Variants in AHR observed in about 807,000 individuals in gnomAD.
The protein encoded by AHR is AH-receptor.
In AHR, 40 loss-of-function variants were observed where a neutral mutation model predicts 86.8. The ratio of observed to expected loss-of-function variants is 0.46; its 90% CI spans 0.36 to 0.60. The LOEUF is 0.60. AHR is among the 20% of genes least tolerant of loss of function. The pLI, the probability that AHR is intolerant of heterozygous loss-of-function variation, is 0.00. For missense variants in AHR, 1,001 were observed against 1,011.6 expected (o/e 0.99, Z 0.14); for synonymous variants, 398 against 354.9 (o/e 1.12, Z -1.37).
chr7:17,330,796 A>T lies in AHR; in HGVS notation c.615A>T (p.Pro205=), dbSNP rs1782280461. The T allele has an allele frequency of 4.3e-6, 7 of 1,612,312 alleles. No homozygotes were observed. In the South Asian group the frequency reaches 6.6e-5, roughly 15 times the overall value. The stretch of plus-strand genomic sequence containing the variant: ...CCCAGACAGTAGTCTGTTATAACCC[A>T]GACCAGATTCCTCCAGAAAACTCTC... ...GLPQTVVCYN[P]DQIPPENSPL... The change falls in exon 6 of 11, where the codon CCA becomes CCT. Residue 205 remains proline (P), a synonymous_variant. Transcript: ENST00000242057.
intron 3 of AHR, among the ~76,000 whole-genome samples, chr7:17,325,658 C>T (rs540344644): frequency 5.3e-5 from 8 of 152,138 alleles, no homozygotes; most frequent in East Asian, 3.9e-4. Context: ...TGGATGGAGC[C>T]GGAGGCCATT....
intron 1 of AHR, among the ~76,000 whole-genome samples, chr7:17,308,338 CT>C (rs1484077596): frequency 1.3e-5 from 2 of 152,132 alleles, no homozygotes; most frequent in Non-Finnish European, 2.9e-5. Flanking sequence ...CAGATACCAC[CT>C]TTTCTGTAAA....
At chr7:17,309,614 G>A (rs1271822653) in intron 1 of AHR, among the ~76,000 whole-genome samples, 1 of 152,068 alleles carries the variant, frequency 6.6e-6, no homozygotes, top group African/African-American at 2.4e-5. Flanking sequence ...ACCAAACAAT[G>A]GCTAATGCAT....
chr7:17,324,228 G>C (rs1264123015), intron 3 of AHR, among the ~76,000 whole-genome samples: 3 of 152,048 alleles, frequency 2.0e-5, no homozygotes, highest in Non-Finnish European at 4.4e-5. Context: ...TCTTTTAATA[G>C]GAAGACTCAC....
chr7:17,311,200 A>G (rs1484140517), intron 2 of AHR, among the ~76,000 whole-genome samples: 1 of 152,212 alleles, frequency 6.6e-6, no homozygotes, highest in Non-Finnish European at 1.5e-5. Context: ...GGTCTTTTTA[A>G]AATATCATAT....
At chr7:17,301,808 T>C (rs1160779065) in intron 1 of AHR, among the ~76,000 whole-genome samples, 1 of 151,848 alleles carries the variant, frequency 6.6e-6, no homozygotes, top group African/African-American at 2.4e-5. Context: ...CTTTTTGGAG[T>C]AATGAAGGTT....
chr7:17,299,147 A>C lies in AHR; in HGVS notation c.-118A>C. 1 of 1,123,108 alleles carries C rather than the reference A, an allele frequency of 8.9e-7. No homozygotes were observed. Among genetic ancestry groups the C allele is most frequent in the Non-Finnish European group, 1.2e-6 (1 of 821,832 alleles). 69.6% of individuals were successfully genotyped at this position (1,123,108 alleles called of 1,614,324 possible). A position where few individuals can be genotyped will look rare whatever the true frequency, so the allele number is the denominator to read the frequency against. Reference sequence around the variant, plus strand: ...CACTGTCCCGAGAGGACGCAGGTGGAGCGGGCGCGGCTTCGCGGAACCCGG... The same window carrying C: ...CACTGTCCCGAGAGGACGCAGGTGGCGCGGGCGCGGCTTCGCGGAACCCGG... On this transcript the variant is annotated 5_prime_UTR_variant, in exon 1 of 11. Transcript: ENST00000242057.
intron 10 of AHR, among the ~76,000 whole-genome samples, chr7:17,340,471 T>G (rs1782408977): frequency 6.6e-6 from 1 of 152,042 alleles, no homozygotes; most frequent in Non-Finnish European, 1.5e-5. Context: ...TGAAGCAACA[T>G]GAATGTGTCC....
chr7:17,340,654 A>G (rs1165162189), intron 10 of AHR, among the ~76,000 whole-genome samples: 7 of 152,120 alleles, frequency 4.6e-5, no homozygotes, highest in African/African-American at 1.7e-4. Context: ...TCAAAGCTCT[A>G]TTTTTTTATA....
chr7:17,299,223 C>A lies in AHR; in HGVS notation c.-42C>A, dbSNP rs751008247. The A allele has an allele frequency of 5.6e-6, 9 of 1,600,696 alleles. No individual in the cohort carries two copies. In the Admixed American group the frequency reaches 1.4e-4, roughly 24 times the overall value. Reference sequence around the variant, plus strand: ...CTACACCGGGTTCCGGGGACCCGGCCGCCAGTGCCCGGGGAGTAGCCGCCG... The same window carrying A: ...CTACACCGGGTTCCGGGGACCCGGCAGCCAGTGCCCGGGGAGTAGCCGCCG... On this transcript the variant is annotated 5_prime_UTR_variant, in exon 1 of 11. Transcript: ENST00000242057.
Position 17,329,969 on chromosome 7 carries a change from G to T in AHR, c.468G>T (p.Gln156His). The T allele has an allele frequency of 6.2e-7, 1 of 1,609,546 alleles. No homozygotes were observed. The highest frequency in any genetic ancestry group is 8.5e-7 in the Non-Finnish European group (1 of 1,177,290). The stretch of plus-strand genomic sequence containing the variant: ...TTCTTTAGTCTGATGTCATACATCA[G>T]AGTGTATATGAACTTATCCATACCG... ...LGFQQSDVIH[Q>H]SVYELIHTED... Residue 156 changes from glutamine to histidine, a missense_variant, in exon 5 of 11, where the codon CAG (glutamine) becomes CAT (histidine). Physicochemically the swap from Gln to His is conservative, Grantham distance 24. This residue lies in a region of AHR where 394 missense variants were observed against 468.5 expected (regional missense o/e 0.84). Transcript: ENST00000242057.
chr7:17,338,705 A>C (rs781030217), intron 9 of AHR, among the ~76,000 whole-genome samples: 9 of 152,110 alleles, frequency 5.9e-5, no homozygotes, highest in Non-Finnish European at 5.9e-5. Flanking sequence ...TTCCACACAA[A>C]TTTATTATTT....
At chr7:17,315,306 A>C (rs993879944) in intron 2 of AHR, among the ~76,000 whole-genome samples, 5 of 151,926 alleles carry the variant, frequency 3.3e-5, no homozygotes, top group Non-Finnish European at 4.4e-5. Flanking sequence ...ATAAATTAAT[A>C]TGATAGAACT....
intron 4 of AHR, among the ~76,000 whole-genome samples, chr7:17,329,332 CT>C (rs1782261502): frequency 6.6e-6 from 1 of 151,672 alleles, no homozygotes; most frequent in Admixed American, 6.6e-5. Flanking sequence ...GTGCACACAC[CT>C]GTGACAGATG....
At chr7:17,311,667 A>G (rs765047119) in intron 2 of AHR, among the ~76,000 whole-genome samples, 3 of 152,204 alleles carry the variant, frequency 2.0e-5, no homozygotes, top group Admixed American at 6.6e-5. Flanking sequence ...TCAAAGTTTC[A>G]TAGTACACAA....
intron 3 of AHR, among the ~76,000 whole-genome samples, chr7:17,325,229 G>C (rs1223588677): frequency 6.6e-6 from 1 of 152,148 alleles, no homozygotes; most frequent in Non-Finnish European, 1.5e-5. Flanking sequence ...TATAAAAATT[G>C]ATGTGCATCT....
chr7:17,308,484 C>G lies in AHR; in HGVS notation c.66-1452C>G, dbSNP rs188973886. 8.6e-5 allele frequency among the ~76,000 whole-genome samples: 13 copies of G among 152,032 alleles called. No homozygotes were observed. In the Middle Eastern group the frequency reaches 0.01, roughly 119 times the overall value. Reference sequence around the variant, plus strand: ...TACTTGTCAGCAAGTTATTAATTAACCAGTAGAGAATTACACAATGAGGTA... The same window carrying G: ...TACTTGTCAGCAAGTTATTAATTAAGCAGTAGAGAATTACACAATGAGGTA... On this transcript the variant is annotated intron_variant, in intron 1 of 10. Transcript: ENST00000242057.
chr7:17,310,918 T>C (rs1782057832), intron 2 of AHR, among the ~76,000 whole-genome samples: 1 of 152,194 alleles, frequency 6.6e-6, no homozygotes, highest in Non-Finnish European at 1.5e-5. Context: ...GAACATTTGA[T>C]TGTAAGAGTC....
intron 4 of AHR, among the ~76,000 whole-genome samples, chr7:17,328,832 A>G (rs1246491872): frequency 6.6e-6 from 1 of 151,978 alleles, no homozygotes; most frequent in Non-Finnish European, 1.5e-5. Flanking sequence ...AGATGATTTA[A>G]TACTAGAAGA....
Sources: gnomAD v4.1 joint callset for allele counts (sites outside exome capture counted in the v4.1 genomes callset) on GRCh38, gnomAD v4.1.1 for gene constraint, gnomAD v4.1.1 regional missense constraint, MANE v1.5 for transcripts, NCBI Gene and HGNC (gene_info 2026-07-23, HGNC 2026-07-21) for gene names.